MID1: variants seen among roughly 807,000 people sequenced by gnomAD.
MID1 encodes the protein midline 1, also known as E3 ubiquitin-protein ligase Midline-1.
A neutral mutation model predicts 40.4 loss-of-function variants in MID1; 7 were observed. The observed-to-expected ratio is 0.17, with a 90% CI of 0.10 to 0.33. MID1 has a LOEUF of 0.33. MID1 is among the 10% of genes least tolerant of loss of function. MID1 has a pLI of 1.00. For synonymous variants in MID1, 229 were observed against 221.2 expected, an observed-to-expected ratio of 1.04 and a Z score of -0.31; for missense variants, 367 against 558.5, an observed-to-expected ratio of 0.66 and a Z score of 3.46.
intron 1 of MID1, among the ~76,000 whole-genome samples, chrX:10,631,519 TGAG>T (rs1422922603): frequency 1.3e-4 from 14 of 111,730 alleles, no homozygotes; most frequent in African/African-American, 4.6e-4. Context: ...CATAGAACTA[TGAG>T]GAGAACACAG....
Position 10,592,962 on chromosome X carries a change from T to G in MID1, c.-56-25359A>C, listed in dbSNP as rs911135368. ...CCTTGAGATCATCATTAAAAAGACC[T>G]TTTTTCATTTGATCATAAATAGAGA... is the stretch of plus-strand genomic sequence containing the variant. On this transcript the variant is annotated intron_variant, in intron 1 of 9. Coordinates refer to ENST00000317552, the MANE Select transcript of MID1 (RefSeq NM_000381.4). Among the ~76,000 whole-genome samples the G allele has an allele frequency of 1.4e-3, 154 of 112,372 alleles. 3 individuals carry two copies. Among genetic ancestry groups the G allele is most frequent in the Non-Finnish European group, 4.1e-4 (22 of 53,244 alleles).
chrX:10,717,743 A>AT (rs774587871), intron 1 of MID1, among the ~76,000 whole-genome samples: 4,213 of 110,353 alleles, frequency 0.038, 94 homozygotes, highest in African/African-American at 0.082. Flanking sequence ...CAGAATATAC[A>AT]TTTTTTTTGG....
chrX:10,752,165 A>G (rs1039535993), intron 1 of MID1, among the ~76,000 whole-genome samples: 16 of 111,737 alleles, frequency 1.4e-4, no homozygotes, highest in African/African-American at 4.6e-4. Flanking sequence ...ATTCCTTTAG[A>G]GCAATGCAAA....
intron 1 of MID1, among the ~76,000 whole-genome samples, chrX:10,660,548 C>A (rs1298735905): frequency 1.8e-5 from 2 of 112,455 alleles, no homozygotes; most frequent in Non-Finnish European, 3.8e-5. Context: ...ATCGATTCTG[C>A]AGGGGAAAAA....
At chrX:10,660,929 C>T (rs2042907314) in intron 1 of MID1, among the ~76,000 whole-genome samples, 2 of 111,340 alleles carry the variant, frequency 1.8e-5, no homozygotes, top group African/African-American at 3.3e-5. Context: ...AAAAATAGTA[C>T]TATATATTTT....
chrX:10,631,709 C>T (rs1936054290), intron 1 of MID1, among the ~76,000 whole-genome samples: 1 of 111,934 alleles, frequency 8.9e-6, no homozygotes. Flanking sequence ...CCATATTCTT[C>T]CTTCCTTGAT....
chrX:10,452,636 G>T (rs925944573), intron 9 of MID1, among the ~76,000 whole-genome samples: 1 of 111,938 alleles, frequency 8.9e-6, no homozygotes, highest in Non-Finnish European at 1.9e-5. Context: ...AATCGTAGGG[G>T]GTGCCCCTTC....
In MID1 at chrX:10,459,743, C is replaced by A. The variant is rs769891935; in HGVS notation, c.1350G>T (p.Val450=). ...VPNIKQNHYT[V]HGLQSGTKYI... ...ACTTGGTGCCGCTCTGCAGACCGTGCACCGTGTAGTGGTTCTGCTTGATGT... is the reference window on the plus strand; with the variant it reads ...ACTTGGTGCCGCTCTGCAGACCGTGAACCGTGTAGTGGTTCTGCTTGATGT... The change falls in exon 8 of 10, where the codon GTG becomes GTT. Residue 450 remains valine (V), a synonymous_variant. Transcript: ENST00000317552. 9 of 1,210,768 alleles carry A rather than the reference C, an allele frequency of 7.4e-6. No individual in the cohort carries two copies. The South Asian group carries it at 1.6e-4, about 21-fold the overall frequency.
In MID1 at chrX:10,533,327, G is replaced by GGAAAGAAAGAAAGAAAGAAA. The variant is rs35811442; in HGVS notation, c.661-10160_661-10141dup. On this transcript the variant is annotated intron_variant, in intron 2 of 9. Transcript: ENST00000317552. ...ATAATCCAAGAAAGAAAGAAAGAAAGGAAAGAAAGAAAGAAAGAAAGAAAG... is the reference window on the plus strand; with the variant it reads ...ATAATCCAAGAAAGAAAGAAAGAAAGGAAAGAAAGAAAGAAAGAAAGAAAGAAAGAAAGAAAGAAAGAAAG... Among the ~76,000 whole-genome samples the GGAAAGAAAGAAAGAAAGAAA allele has an allele frequency of 1.7e-4, 8 of 47,817 alleles. 1 individual carries two copies. Among genetic ancestry groups the GGAAAGAAAGAAAGAAAGAAA allele is most frequent in the East Asian group, 2.6e-3 (2 of 767 alleles). The allele number at this position is 47,817 out of a possible 115,157, so 41.5% of individuals were successfully genotyped here. A position where few individuals can be genotyped will look rare whatever the true frequency, so the allele number is the denominator to read the frequency against.
At chrX:10,682,601 CAGTG>C (rs1204670284) in intron 1 of MID1, among the ~76,000 whole-genome samples, 1 of 111,379 alleles carries the variant, frequency 9.0e-6, no homozygotes, top group African/African-American at 3.3e-5. Context: ...AGTCATACCT[CAGTG>C]AGAATAATAA....
In MID1 at chrX:10,586,456, G is replaced by C. The variant is rs774035488; in HGVS notation, c.-56-18853C>G. Among the ~76,000 whole-genome samples, 5 of 111,246 alleles carry C rather than the reference G, an allele frequency of 4.5e-5. No individual in the cohort carries two copies. In the South Asian group the frequency reaches 1.5e-3, roughly 34 times the overall value. ...TGTTTAAGGATGGTCTTGGAGGTTG[G>C]GCCCACTAGAATAAACTGAGTCTAA... is the stretch of plus-strand genomic sequence containing the variant. On this transcript the variant is annotated intron_variant, in intron 1 of 9. Transcript: ENST00000317552.
At chrX:10,715,407 C>G (rs1047945761) in intron 1 of MID1, among the ~76,000 whole-genome samples, 65 of 112,477 alleles carry the variant, frequency 5.8e-4, no homozygotes, top group African/African-American at 2.0e-3. Context: ...TATCCCATGC[C>G]TGGCTCGGAG....
At chrX:10,639,424 A>C (rs1936161763) in intron 1 of MID1, among the ~76,000 whole-genome samples, 1 of 112,068 alleles carries the variant, frequency 8.9e-6, no homozygotes, top group Non-Finnish European at 1.9e-5. Context: ...GTGATTGAAG[A>C]TCAAATGAGT....
chrX:10,809,095 A>G (rs1271910589), intron 1 of MID1, among the ~76,000 whole-genome samples: 1 of 111,574 alleles, frequency 9.0e-6, no homozygotes, highest in Non-Finnish European at 1.9e-5. Context: ...AAAACAAACA[A>G]CCCCATCAAA....
intron 2 of MID1, among the ~76,000 whole-genome samples, chrX:10,536,666 A>T (rs1336622151): frequency 8.9e-6 from 1 of 112,457 alleles, no homozygotes; most frequent in Non-Finnish European, 1.9e-5. Context: ...TAGAAGGTAG[A>T]CCAGGAGTTC....
At chrX:10,625,074 A>G (rs1394171718), upstream of MID1, among the ~76,000 whole-genome samples, 1 of 111,688 alleles carries the variant, frequency 9.0e-6, no homozygotes, top group Non-Finnish European at 1.9e-5. Context: ...TAAATTAATT[A>G]TTTTTTAAGT....
intron 8 of MID1, among the ~76,000 whole-genome samples, chrX:10,457,064 A>AAAAT (rs766766019): frequency 8.9e-6 from 1 of 112,090 alleles, no homozygotes; most frequent in Non-Finnish European, 1.9e-5. Context: ...AGTTTTGCTT[A>AAAAT]AAATATTTCA....
At chrX:10,690,841 G>A (rs774094547) in intron 1 of MID1, among the ~76,000 whole-genome samples, 1 of 109,963 alleles carries the variant, frequency 9.1e-6, no homozygotes, top group Non-Finnish European at 1.9e-5. Context: ...GTTCTTGGAA[G>A]GCAATTTATT....
At chrX:10,733,454 A>T (rs995169584) in intron 1 of MID1, among the ~76,000 whole-genome samples, 59 of 111,930 alleles carry the variant, frequency 5.3e-4, no homozygotes, top group African/African-American at 1.8e-3. Context: ...AAAAATAAAA[A>T]TTGTATTTAT....
Sources: allele counts gnomAD v4.1 joint callset (sites outside exome capture counted in the v4.1 genomes callset), GRCh38; gene constraint gnomAD v4.1.1; transcripts MANE v1.5; gene names NCBI Gene and HGNC (gene_info 2026-07-23, HGNC 2026-07-21).